The following PARN variants were observed in gnomAD, a reference collection of about 807,000 sequenced individuals.
PARN encodes the protein poly(A)-specific ribonuclease PARN.
In PARN, 71 loss-of-function variants were observed where a neutral mutation model predicts 102.8. That is an observed-to-expected ratio of 0.69 (90% CI 0.57 to 0.84). PARN has a LOEUF of 0.84. Among genes scored for constraint, PARN ranks in the 40% least tolerant of loss-of-function variants. The pLI, the probability that PARN is intolerant of heterozygous loss-of-function variation, is 0.00. For synonymous variants in PARN, 261 were observed against 252.9 expected, an observed-to-expected ratio of 1.03 and a Z score of -0.30; for missense variants, 782 against 760.9, an observed-to-expected ratio of 1.03 and a Z score of -0.33.
chr16:14,512,649 A>T (rs1025722621), intron 21 of PARN, among the ~76,000 whole-genome samples: 4 of 152,174 alleles, frequency 2.6e-5, no homozygotes, highest in Admixed American at 6.6e-5. Flanking sequence ...TCAGGAGGAC[A>T]CCTGGGCTCA....
chr16:14,437,068 C>A (rs575378640), intron 23 of PARN, among the ~76,000 whole-genome samples: 4 of 152,358 alleles, frequency 2.6e-5, no homozygotes, highest in African/African-American at 9.6e-5. Context: ...GCACAGTATT[C>A]CTCACTGAAC....
At chr16:14,608,499 T>G (rs1191839150) in intron 8 of PARN, among the ~76,000 whole-genome samples, 180 bp from the exon 9 acceptor site, 1 of 152,214 alleles carries the variant, frequency 6.6e-6, no homozygotes, top group Non-Finnish European at 1.5e-5. Flanking sequence ...ACTTGTCTTC[T>G]AAAATTTTCT....
At chr16:14,489,173 T>A (rs116828907) in intron 21 of PARN, among the ~76,000 whole-genome samples, 1,536 of 152,196 alleles carry the variant, frequency 0.01, 28 homozygotes, top group African/African-American at 0.035. Context: ...TTCAGTAGAA[T>A]AGCTGGTACT....
At chr16:14,629,530 T>TG (rs1400936275) in intron 2 of PARN, 67 bp downstream of exon 2, 6 of 1,168,732 alleles carry the variant, frequency 5.1e-6, no homozygotes, top group Admixed American at 1.7e-5. Flanking sequence ...AGTTGGGGGC[T>TG]GGGGGATTGA....
At chr16:14,452,374 C>CTTTA (rs1278999341) in intron 22 of PARN, among the ~76,000 whole-genome samples, 1 of 152,264 alleles carries the variant, frequency 6.6e-6, no homozygotes, top group South Asian at 2.1e-4. Context: ...TAATTTACAA[C>CTTTA]TTTATTTATT....
chr16:14,586,391 T>C (rs1157406757), intron 13 of PARN, 30 bp from the exon 14 acceptor site: 5 of 1,352,534 alleles, frequency 3.7e-6, no homozygotes, highest in Non-Finnish European at 5.2e-6. Context: ...CTTGTTACAA[T>C]TTTCCTAATA....
intron 6 of PARN, among the ~76,000 whole-genome samples, chr16:14,613,409 A>G (rs934107549): frequency 1.3e-5 from 2 of 151,970 alleles, no homozygotes; most frequent in Admixed American, 1.3e-4. Context: ...ATCACTTAAG[A>G]TCAAGAGTTT....
At chr16:14,614,874 A>AAAAAAAAAAG in intron 6 of PARN, among the ~76,000 whole-genome samples, 1 of 147,066 alleles carries the variant, frequency 6.8e-6, no homozygotes, top group Non-Finnish European at 1.5e-5. Context: ...AAAAAAAAAA[A>AAAAAAAAAAG]AAAAGAAAAG....
intron 22 of PARN, among the ~76,000 whole-genome samples, chr16:14,449,150 T>G: frequency 6.6e-6 from 1 of 152,152 alleles, no homozygotes; most frequent in East Asian, 1.9e-4. Context: ...CATAAATGTT[T>G]AATGAAAACT....
intron 12 of PARN, among the ~76,000 whole-genome samples, chr16:14,597,510 C>A (rs1272291598): frequency 6.6e-6 from 1 of 151,986 alleles, no homozygotes; most frequent in Non-Finnish European, 1.5e-5. Context: ...TCCTGGCTAA[C>A]ATGGTGAAAC....
chr16:14,613,580 G>A (rs1300389341), intron 6 of PARN, among the ~76,000 whole-genome samples: 4 of 151,596 alleles, frequency 2.6e-5, no homozygotes, highest in Non-Finnish European at 1.5e-5. Context: ...CCAAGATCAC[G>A]CCACTGCACT....
chr16:14,514,018 T>C (rs1234842148), intron 21 of PARN, among the ~76,000 whole-genome samples: 1 of 152,100 alleles, frequency 6.6e-6, no homozygotes, highest in African/African-American at 2.4e-5. Context: ...ACATAAGGGA[T>C]TGTTGTAGGC....
chr16:14,597,250 C>A (rs1178420089), intron 12 of PARN, among the ~76,000 whole-genome samples: 1 of 152,164 alleles, frequency 6.6e-6, no homozygotes, highest in Non-Finnish European at 1.5e-5. Flanking sequence ...TTTTCATGGT[C>A]TCAAAGTATC....
intron 23 of PARN, 50 bp downstream of exon 23, chr16:14,446,838 G>C: frequency 7.4e-7 from 1 of 1,353,458 alleles, no homozygotes; most frequent in African/African-American, 1.5e-5. Flanking sequence ...AGTTTCTAGA[G>C]CATTTAAATA....
intron 18 of PARN, among the ~76,000 whole-genome samples, chr16:14,560,439 A>G (rs2042594664): frequency 1.3e-5 from 2 of 152,178 alleles, no homozygotes; most frequent in Non-Finnish European, 2.9e-5. Flanking sequence ...TTCCCCACTT[A>G]TTCTCTAAAG....
chr16:14,473,304 A>C (rs1478037444), intron 22 of PARN, among the ~76,000 whole-genome samples: 2 of 152,202 alleles, frequency 1.3e-5, no homozygotes, highest in Non-Finnish European at 2.9e-5. Flanking sequence ...AGTGGTTTCA[A>C]AGGTGTCATG....
chr16:14,558,722 T>G (rs933506534), intron 18 of PARN, among the ~76,000 whole-genome samples: 1 of 152,182 alleles, frequency 6.6e-6, no homozygotes, highest in Non-Finnish European at 1.5e-5. Context: ...GGATAACTTA[T>G]AATTCTAAGT....
intron 22 of PARN, among the ~76,000 whole-genome samples, chr16:14,464,482 G>A (rs1321638680): frequency 1.3e-5 from 2 of 152,224 alleles, no homozygotes; most frequent in African/African-American, 2.4e-5. Context: ...GAGGCCAGGT[G>A]TGGTGGCTCA....
At chr16:14,608,885 A>T (rs1971353523) in intron 8 of PARN, among the ~76,000 whole-genome samples, 173 bp downstream of exon 8, 1 of 152,186 alleles carries the variant, frequency 6.6e-6, no homozygotes, top group Non-Finnish European at 1.5e-5. Context: ...GTGTCTCAGT[A>T]TACACAGTCA....
Sources: allele counts gnomAD v4.1 joint callset (sites outside exome capture counted in the v4.1 genomes callset), GRCh38; gene constraint gnomAD v4.1.1; transcripts MANE v1.5; gene names NCBI Gene and HGNC (gene_info 2026-07-23, HGNC 2026-07-21).